AGBL1: variants seen among roughly 807,000 people sequenced by gnomAD.
AGBL1 encodes AGBL carboxypeptidase 1, also known as cytosolic carboxypeptidase 4.
AGBL1 carries 130 observed loss-of-function variants against 118.9 expected under a neutral mutation model. That is an observed-to-expected ratio of 1.09 (90% CI 0.95 to 1.26). The LOEUF (loss-of-function observed/expected upper bound fraction) is 1.26. AGBL1 is among the 50% of genes most tolerant of loss of function. The probability of loss-of-function intolerance (pLI) is 0.00; values close to 1 mark genes in which losing one functional copy is unlikely to be tolerated. For synonymous variants in AGBL1, 555 were observed against 478.9 expected, an observed-to-expected ratio of 1.16 and a Z score of -2.08; for missense variants, 1,584 against 1,298.1, an observed-to-expected ratio of 1.22 and a Z score of -3.38.
chr15:86,298,356 T>C (rs919057074), intron 17 of AGBL1, among the ~76,000 whole-genome samples: 4 of 121,354 alleles, frequency 3.3e-5, no homozygotes, highest in African/African-American at 1.4e-4. Flanking sequence ...ATGAATATAT[T>C]CTTATATATA....
intron 22 of AGBL1, among the ~76,000 whole-genome samples, chr15:86,686,331 T>C (rs552374903): frequency 5.4e-4 from 82 of 151,938 alleles, no homozygotes; most frequent in Non-Finnish European, 1.1e-3. Flanking sequence ...CACATGTTAG[T>C]GTGTGAAGAA....
At chr15:86,920,876 G>T (rs80343486), downstream of AGBL1, among the ~76,000 whole-genome samples, 821 of 152,228 alleles carry the variant, frequency 5.4e-3, 7 homozygotes, top group South Asian at 0.012. Context: ...GCCTGAGCTG[G>T]GATGTGAACA....
rs2078903960 is a variant in AGBL1, at chr15:86,256,875, T to C, written c.758T>C (p.Met253Thr). 4.3e-6 allele frequency: 7 copies of C among 1,613,796 alleles called. No individual in the cohort carries two copies. Among genetic ancestry groups the C allele is most frequent in the Non-Finnish European group, 5.9e-6 (7 of 1,179,870 alleles). ...TTQNCLDDKSMEPVISVVLQI... is the reference protein window; with the variant it reads ...TTQNCLDDKSTEPVISVVLQI... ...CAGAACTGCCTGGATGACAAGAGCATGGAGCCCGTCATCTCTGTGGTGCTT... is the reference window on the plus strand; with the variant it reads ...CAGAACTGCCTGGATGACAAGAGCACGGAGCCCGTCATCTCTGTGGTGCTT... Residue 253 changes from methionine (M) to threonine (T), a missense_variant, in exon 8 of 23, where the codon ATG (methionine) becomes ACG (threonine). Met to Thr is a moderately conservative substitution (Grantham distance 81). Coordinates refer to ENST00000614907, the MANE Select transcript of AGBL1 (RefSeq NM_001386094.1).
rs756313941 is a variant in AGBL1, at chr15:86,196,879, G to GCGCACACA, written c.489-28034_489-28033insGCACACAC. On this transcript the variant is annotated intron_variant, in intron 5 of 22. Transcript: ENST00000614907. ...CGAATGTGCACATGTGCGCGCGCGC[G>GCGCACACA]CACACACACACACACACACACACAC... Among the ~76,000 whole-genome samples, 945 of 116,948 alleles carry GCGCACACA rather than the reference G, an allele frequency of 8.1e-3. 9 individuals are homozygous for GCGCACACA. The highest frequency in any genetic ancestry group is 0.014 in the Middle Eastern group (3 of 216). 76.7% of individuals were successfully genotyped at this position (116,948 alleles called of 152,430 possible).
intron 18 of AGBL1, among the ~76,000 whole-genome samples, chr15:86,476,993 A>G (rs2082569577): frequency 6.6e-6 from 1 of 152,348 alleles, no homozygotes; most frequent in African/African-American, 2.4e-5. Context: ...TGGTTACATA[A>G]TGAAATGAAG....
At chr15:86,203,930 A>T (rs1211095510) in intron 5 of AGBL1, among the ~76,000 whole-genome samples, 1 of 152,194 alleles carries the variant, frequency 6.6e-6, no homozygotes, top group Non-Finnish European at 1.5e-5. Context: ...TCAATAATTC[A>T]AAAGGAAAAA....
intron 22 of AGBL1, among the ~76,000 whole-genome samples, chr15:86,698,014 A>AGT (rs1384553810): frequency 6.6e-6 from 1 of 152,020 alleles, no homozygotes; most frequent in Non-Finnish European, 1.5e-5. Context: ...ATATTCCTGC[A>AGT]GTAGTTCTTG....
intron 21 of AGBL1, among the ~76,000 whole-genome samples, chr15:86,645,212 G>T (rs1330974470): frequency 6.6e-6 from 1 of 152,106 alleles, no homozygotes; most frequent in Non-Finnish European, 1.5e-5. Flanking sequence ...ATACATTTAG[G>T]AGTCAAATGT....
intron 19 of AGBL1, among the ~76,000 whole-genome samples, chr15:86,545,611 G>A (rs570340910): frequency 6.6e-6 from 1 of 152,096 alleles, no homozygotes; most frequent in East Asian, 1.9e-4. Flanking sequence ...GTGTCCATGT[G>A]TTCTCATCAA....
Position 86,154,008 on chromosome 15 carries a change from G to A in AGBL1, c.263-422G>A, listed in dbSNP as rs964047601. Among the ~76,000 whole-genome samples, 6 of 152,048 alleles carry A rather than the reference G, an allele frequency of 3.9e-5. No homozygotes were observed. The South Asian group carries it at 6.2e-4, about 16-fold the overall frequency. ...CCAATTTCTCCAAATGTTCCCAACT[G>A]TCTTTTATAGACATAGTCAAAGCAA... is the stretch of plus-strand genomic sequence containing the variant. On this transcript the variant is annotated intron_variant, in intron 3 of 22. Transcript: ENST00000614907.
intron 1 of AGBL1, among the ~76,000 whole-genome samples, chr15:86,081,682 A>C (rs1000065037): frequency 2.6e-5 from 4 of 152,246 alleles, no homozygotes; most frequent in Admixed American, 2.6e-4. Context: ...TGACATTCTG[A>C]GACCTCTTCT....
chr15:86,367,472 G>A (rs1283263365), intron 17 of AGBL1, among the ~76,000 whole-genome samples: 2 of 152,114 alleles, frequency 1.3e-5, no homozygotes, highest in African/African-American at 4.8e-5. Flanking sequence ...TCTGCTGGGG[G>A]CAGGGTGGTG....
At chr15:86,148,227 C>A (rs1359189005) in intron 3 of AGBL1, among the ~76,000 whole-genome samples, 1 of 152,142 alleles carries the variant, frequency 6.6e-6, no homozygotes, top group African/African-American at 2.4e-5. Flanking sequence ...TCTTCTCTTC[C>A]AAAGGATTGC....
At chr15:86,348,700 C>A (rs896801288) in intron 17 of AGBL1, among the ~76,000 whole-genome samples, 4 of 151,156 alleles carry the variant, frequency 2.6e-5, no homozygotes, top group African/African-American at 9.8e-5. Context: ...CTCACTTGAA[C>A]CTGGGAGGCA....
chr15:86,685,025 C>A (rs2086029095), intron 22 of AGBL1, among the ~76,000 whole-genome samples: 1 of 152,062 alleles, frequency 6.6e-6, no homozygotes, highest in African/African-American at 2.4e-5. Context: ...TGTAAACAAG[C>A]AATGAGAAAA....
At chr15:86,122,109 C>G (rs1898127014) in intron 1 of AGBL1, among the ~76,000 whole-genome samples, 1 of 152,178 alleles carries the variant, frequency 6.6e-6, no homozygotes, top group African/African-American at 2.4e-5. Flanking sequence ...CAAGTTTCTT[C>G]CCCTTCACCT....
At chr15:86,241,958 C>A (rs28619399) in intron 6 of AGBL1, among the ~76,000 whole-genome samples, 2,063 of 152,222 alleles carry the variant, frequency 0.014, 50 homozygotes, top group African/African-American at 0.048. Flanking sequence ...GGGAGGGACC[C>A]AGTGGGAGGT....
intron 21 of AGBL1, among the ~76,000 whole-genome samples, chr15:86,590,764 A>G (rs1290599819): frequency 6.6e-6 from 1 of 152,238 alleles, no homozygotes; most frequent in Non-Finnish European, 1.5e-5. Context: ...GGTTCCCTAC[A>G]GATGATGTAA....
chr15:86,794,815 CT>C (rs2078546393), intron 22 of AGBL1, among the ~76,000 whole-genome samples: 1 of 152,180 alleles, frequency 6.6e-6, no homozygotes, highest in African/African-American at 2.4e-5. Context: ...TAACATTAGT[CT>C]TTCAGTGCTA....
Sources: gnomAD v4.1 joint callset for allele counts (sites outside exome capture counted in the v4.1 genomes callset) on GRCh38, gnomAD v4.1.1 for gene constraint, MANE v1.5 for transcripts, NCBI Gene and HGNC (gene_info 2026-07-23, HGNC 2026-07-21) for gene names.